ZFHX3: variants seen among roughly 807,000 people sequenced by gnomAD.
ZFHX3 encodes the protein zinc finger homeobox protein 3.
Under a neutral mutation model 279.1 loss-of-function variants are expected in ZFHX3, and 42 were observed. That is an observed-to-expected ratio of 0.15 (90% CI 0.12 to 0.19). The LOEUF is 0.19. ZFHX3 is among the 10% of genes least tolerant of loss of function. The pLI, the probability that ZFHX3 is intolerant of heterozygous loss-of-function variation, is 1.00. For synonymous variants in ZFHX3, 2,293 were observed against 1,957.8 expected, an observed-to-expected ratio of 1.17 and a Z score of -4.52; for missense variants, 4,981 against 4,754.0, an observed-to-expected ratio of 1.05 and a Z score of -1.40.
At chr16:73,542,597 T>C (rs958065027) in intron 2 of ZFHX3, among the ~76,000 whole-genome samples, 1 of 152,186 alleles carries the variant, frequency 6.6e-6, no homozygotes, top group Non-Finnish European at 1.5e-5. Context: ...TGACTTGATA[T>C]CATTATCTTC....
intron 2 of ZFHX3, chr16:73,558,214 C>T (rs1250552352): frequency 3.3e-5 from 5 of 152,236 alleles, no homozygotes; most frequent in Middle Eastern, 3.4e-3. Flanking sequence ...ATGTGTGTGC[C>T]CACGTACATT....
At chr16:72,904,032 G>A (rs1165989086) in intron 3 of ZFHX3, among the ~76,000 whole-genome samples, 2 of 152,162 alleles carry the variant, frequency 1.3e-5, no homozygotes, top group African/African-American at 2.4e-5. Context: ...GGACCAAGTC[G>A]AATATTTCTA....
intron 2 of ZFHX3, among the ~76,000 whole-genome samples, chr16:73,653,760 A>G (rs2052694257): frequency 6.6e-6 from 1 of 152,162 alleles, no homozygotes; most frequent in Non-Finnish European, 1.5e-5. Context: ...GAAAAACTAA[A>G]GGTGGTTCCT....
intron 2 of ZFHX3, among the ~76,000 whole-genome samples, chr16:73,581,981 A>G (rs1442720183): frequency 6.6e-6 from 1 of 151,736 alleles, no homozygotes; most frequent in African/African-American, 2.4e-5. Context: ...GCCTTAGAAC[A>G]TATTTTCTAT....
At chr16:73,037,865 G>A (rs1179913123) in intron 1 of ZFHX3, among the ~76,000 whole-genome samples, 1 of 151,776 alleles carries the variant, frequency 6.6e-6, no homozygotes, top group African/African-American at 2.4e-5. Context: ...TATAGAGCCA[G>A]GATTCAAAAG....
chr16:73,671,878 A>G (rs1191964947), intron 2 of ZFHX3, among the ~76,000 whole-genome samples: 1 of 152,138 alleles, frequency 6.6e-6, no homozygotes, highest in Non-Finnish European at 1.5e-5. Flanking sequence ...ACATTAACCT[A>G]TATACATCTC....
intron 1 of ZFHX3, among the ~76,000 whole-genome samples, chr16:73,784,474 C>T (rs754388501): frequency 2.0e-4 from 30 of 152,022 alleles, no homozygotes; most frequent in Non-Finnish European, 3.5e-4. Context: ...TTTGGCTGGG[C>T]GCAGTGGCTC....
At chr16:72,845,709 G>A (rs969760645) in intron 4 of ZFHX3, among the ~76,000 whole-genome samples, 1 of 152,094 alleles carries the variant, frequency 6.6e-6, no homozygotes, top group Admixed American at 6.5e-5. Context: ...TCCTGCCTGT[G>A]TAGACCCCTT....
intron 1 of ZFHX3, among the ~76,000 whole-genome samples, chr16:72,978,510 T>C (rs999947520): frequency 6.6e-6 from 1 of 152,138 alleles, no homozygotes; most frequent in Non-Finnish European, 1.5e-5. Context: ...CCCCACTCCC[T>C]GACCGAGGTC....
In ZFHX3 at chr16:72,959,091, A is replaced by T. The variant is rs1436422343; in HGVS notation, c.1055T>A (p.Val352Asp). The change falls in exon 2 of 10, where the codon GTT becomes GAT. Residue 352 changes from valine to aspartate, a missense_variant. Physicochemically the swap from Val to Asp is radical, Grantham distance 152. This residue lies in a region of ZFHX3 where 1,068 missense variants were observed against 935.2 expected (regional missense o/e 1.14). Coordinates refer to ENST00000268489, the MANE Select transcript of ZFHX3 (RefSeq NM_006885.4). ...GGGGCCTATGAGGTTAGCTGTGGAA[A>T]CTAAAGGGTGTTGAAAGTTTTTGTT... ...PKNKNFQHPL[V>D]STANLIGPGH... The T allele has an allele frequency of 1.9e-6, 3 of 1,614,098 alleles. No individual in the cohort carries two copies. The highest frequency in any genetic ancestry group is 1.3e-5 in the African/African-American group (1 of 74,938).
intron 5 of ZFHX3, among the ~76,000 whole-genome samples, chr16:73,205,366 C>T (rs187865069): frequency 3.9e-5 from 6 of 152,182 alleles, no homozygotes; most frequent in Admixed American, 6.5e-5. Context: ...TTTCTGATGG[C>T]GCAACACAAG....
At chr16:72,963,838 C>T (rs568801304) in intron 1 of ZFHX3, among the ~76,000 whole-genome samples, 86 of 152,044 alleles carry the variant, frequency 5.7e-4, no homozygotes, top group Non-Finnish European at 1.1e-3. Context: ...TGCTCCAGCT[C>T]CCGGAGAATG....
chr16:72,876,830 G>A (rs1033954080), intron 4 of ZFHX3, among the ~76,000 whole-genome samples: 3 of 152,240 alleles, frequency 2.0e-5, no homozygotes, highest in Non-Finnish European at 4.4e-5. Flanking sequence ...CGGCAGCCAG[G>A]TGTGGTTGAA....
Position 73,000,438 on chromosome 16 carries a change from T to C in ZFHX3, c.-49-40244A>G, listed in dbSNP as rs1358309401. Among the ~76,000 whole-genome samples, 3 of 152,206 alleles carry C rather than the reference T, an allele frequency of 2.0e-5. No homozygotes were observed. In the East Asian group the frequency reaches 5.8e-4, roughly 29 times the overall value. ...TGCTTTCCATTTTTTTCCTAACTCATTTCCTAGGGTTGTGGCAATGTCTGG... is the reference window on the plus strand; with the variant it reads ...TGCTTTCCATTTTTTTCCTAACTCACTTCCTAGGGTTGTGGCAATGTCTGG... On this transcript the variant is annotated intron_variant, in intron 1 of 9. Coordinates refer to ENST00000268489, the MANE Select transcript of ZFHX3 (RefSeq NM_006885.4).
At chr16:73,593,378 T>C (rs1260789971) in intron 2 of ZFHX3, among the ~76,000 whole-genome samples, 3 of 152,124 alleles carry the variant, frequency 2.0e-5, no homozygotes, top group African/African-American at 7.2e-5. Flanking sequence ...AACTCAAGGA[T>C]GAGCAAACTA....
At chr16:73,486,680 T>C in intron 2 of ZFHX3, 1 of 410,322 alleles carries the variant, frequency 2.4e-6, no homozygotes, top group Non-Finnish European at 4.8e-6. Flanking sequence ...GATGCAGTTT[T>C]TATTCTAGCC....
At chr16:73,608,125 C>G (rs1202482340) in intron 2 of ZFHX3, among the ~76,000 whole-genome samples, 2 of 151,654 alleles carry the variant, frequency 1.3e-5, no homozygotes, top group African/African-American at 4.8e-5. Context: ...ATAAAGATGA[C>G]CTGAGAAATA....
Position 72,788,050 on chromosome 16 carries a change from G to A in ZFHX3, c.10226C>T (p.Ser3409Phe), listed in dbSNP as rs201036554. 5 of 1,612,284 alleles carry A rather than the reference G, an allele frequency of 3.1e-6. No homozygotes were observed. ...SQTPVPPGAPSPDKDPAKESP... is the reference protein window; with the variant it reads ...SQTPVPPGAPFPDKDPAKESP... Reference sequence around the variant, plus strand: ...TTCTTTGGCAGGGTCTTTGTCTGGGGAAGGAGCCCCGGGGGGGACTGGGGT... The same window carrying A: ...TTCTTTGGCAGGGTCTTTGTCTGGGAAAGGAGCCCCGGGGGGGACTGGGGT... The change falls in exon 10 of 10, where the codon TCC (serine) becomes TTC (phenylalanine). Residue 3409 changes from serine to phenylalanine, a missense_variant. Around this residue, in one of 7 missense-constraint regions of ZFHX3, gnomAD observed 1,034 missense variants for 786.0 expected, o/e 1.32. Transcript: ENST00000268489.
chr16:73,311,016 T>C (rs917565749), intron 4 of ZFHX3, among the ~76,000 whole-genome samples: 1 of 151,974 alleles, frequency 6.6e-6, no homozygotes, highest in Non-Finnish European at 1.5e-5. Context: ...GCGGATCACC[T>C]GAGGTCTGGA....
Sources: allele counts gnomAD v4.1 joint callset (sites outside exome capture counted in the v4.1 genomes callset), GRCh38; gene constraint gnomAD v4.1.1; regional missense constraint gnomAD v4.1.1; transcripts MANE v1.5; gene names NCBI Gene and HGNC (gene_info 2026-07-23, HGNC 2026-07-21).